Variants in GRXCR1 observed in about 807,000 individuals in gnomAD.
GRXCR1 encodes the protein glutaredoxin and cysteine rich domain containing 1, also known as glutaredoxin domain-containing cysteine-rich protein 1.
GRXCR1 carries 27 observed loss-of-function variants against 27.3 expected under a neutral mutation model. That is an observed-to-expected ratio of 0.99 (90% CI 0.73 to 1.37). The LOEUF is 1.37. GRXCR1 is among the 40% of genes most tolerant of loss of function. GRXCR1 has a pLI of 0.00. For synonymous variants in GRXCR1, 122 were observed against 131.1 expected (o/e 0.93, Z 0.47); for missense variants, 379 against 354.4 (o/e 1.07, Z -0.56).
At chr4:42,950,658 A>G (rs1202240144) in intron 1 of GRXCR1, among the ~76,000 whole-genome samples, 1 of 152,142 alleles carries the variant, frequency 6.6e-6, no homozygotes, top group Non-Finnish European at 1.5e-5. Flanking sequence ...ATGTTTGTGA[A>G]TATTTATAAT....
chr4:42,977,045 C>A (rs1462571593), intron 2 of GRXCR1, among the ~76,000 whole-genome samples: 2 of 152,000 alleles, frequency 1.3e-5, no homozygotes, highest in Admixed American at 1.3e-4. Flanking sequence ...TTAGATTCCA[C>A]ATATATCTGA....
At chr4:42,982,251 T>G (rs1000474529) in intron 2 of GRXCR1, among the ~76,000 whole-genome samples, 4 of 135,748 alleles carry the variant, frequency 2.9e-5, no homozygotes, top group African/African-American at 1.1e-4. Flanking sequence ...TTCCCTTTCC[T>G]GTGTCCATGT....
intron 2 of GRXCR1, among the ~76,000 whole-genome samples, chr4:42,972,664 T>C (rs1748417014): frequency 1.3e-5 from 2 of 152,194 alleles, no homozygotes; most frequent in African/African-American, 4.8e-5. Flanking sequence ...AATGGCACTG[T>C]TATCATCTTT....
At chr4:43,022,674 A>C (rs1713132795) in intron 3 of GRXCR1, among the ~76,000 whole-genome samples, 1 of 152,110 alleles carries the variant, frequency 6.6e-6, no homozygotes, top group Non-Finnish European at 1.5e-5. Context: ...AGGTAGCTGG[A>C]GTTTAAGAGG....
chr4:43,007,947 T>C (rs779024550), intron 2 of GRXCR1, among the ~76,000 whole-genome samples: 1 of 152,202 alleles, frequency 6.6e-6, no homozygotes, highest in Non-Finnish European at 1.5e-5. Flanking sequence ...ATTTTTACAA[T>C]GTTTCCAAGG....
At chr4:42,966,209 A>G (rs1332373316) in intron 2 of GRXCR1, among the ~76,000 whole-genome samples, 1 of 152,050 alleles carries the variant, frequency 6.6e-6, no homozygotes, top group African/African-American at 2.4e-5. Context: ...AAGTAGTTAC[A>G]ACATAAATTA....
At chr4:42,912,373 A>T (rs1746741550) in intron 1 of GRXCR1, among the ~76,000 whole-genome samples, 1 of 152,148 alleles carries the variant, frequency 6.6e-6, no homozygotes, top group African/African-American at 2.4e-5. Flanking sequence ...TTCATTTTTT[A>T]TATTGACACA....
chr4:43,014,131 C>G (rs538365604), intron 2 of GRXCR1, among the ~76,000 whole-genome samples: 1 of 151,638 alleles, frequency 6.6e-6, no homozygotes, highest in African/African-American at 2.4e-5. Flanking sequence ...AGAAAAACCA[C>G]GCTCTTTAGG....
At position 42,986,878 on chromosome 4, in the gene GRXCR1, TG is replaced by T. The variant is rs1323381504; in HGVS notation, c.627+23746del. Reference sequence around the variant, plus strand: ...ATCTTAAAATTAGTCCCCCTAAGCCTGGAAAGAAGAAGCCAAACAGTCACCG... The same window carrying T: ...ATCTTAAAATTAGTCCCCCTAAGCCTGAAAGAAGAAGCCAAACAGTCACCG... On this transcript the variant is annotated intron_variant, in intron 2 of 3. Coordinates refer to ENST00000399770, the MANE Select transcript of GRXCR1 (RefSeq NM_001080476.3). Among the ~76,000 whole-genome samples the T allele has an allele frequency of 3.3e-5, 5 of 152,068 alleles. No homozygotes were observed. In the East Asian group the frequency reaches 9.7e-4, roughly 30 times the overall value.
At chr4:42,942,362 T>G (rs577159421) in intron 1 of GRXCR1, among the ~76,000 whole-genome samples, 1 of 152,126 alleles carries the variant, frequency 6.6e-6, no homozygotes, top group East Asian at 1.9e-4. Context: ...ATCAAGGAAA[T>G]AAGGCACAGT....
intron 1 of GRXCR1, among the ~76,000 whole-genome samples, chr4:42,906,605 C>A (rs950975218): frequency 2.0e-5 from 3 of 152,104 alleles, no homozygotes; most frequent in Admixed American, 6.6e-5. Context: ...TCTCAGCAAG[C>A]CTTTCAGCAA....
intron 1 of GRXCR1, among the ~76,000 whole-genome samples, chr4:42,920,738 T>G (rs1034811209): frequency 3.3e-5 from 5 of 152,154 alleles, no homozygotes; most frequent in Non-Finnish European, 5.9e-5. Context: ...AAATAATTTT[T>G]GGAATATCAA....
At chr4:42,993,208 C>T (rs1024053408) in intron 2 of GRXCR1, among the ~76,000 whole-genome samples, 6 of 152,042 alleles carry the variant, frequency 3.9e-5, no homozygotes, top group African/African-American at 1.4e-4. Flanking sequence ...AAAGTGTATT[C>T]CTGGCCAGAT....
intron 2 of GRXCR1, among the ~76,000 whole-genome samples, chr4:43,001,508 G>A (rs1166010635): frequency 6.6e-6 from 1 of 152,144 alleles, no homozygotes; most frequent in Non-Finnish European, 1.5e-5. Flanking sequence ...CTAAATTTAT[G>A]TGGTGTTTTC....
intron 2 of GRXCR1, among the ~76,000 whole-genome samples, chr4:43,001,577 T>C (rs571169421): frequency 9.9e-5 from 15 of 152,014 alleles, no homozygotes; most frequent in African/African-American, 3.1e-4. Flanking sequence ...TGTATGTGTC[T>C]CATTGGAAGC....
chr4:43,017,282 T>A (rs1712959170), intron 2 of GRXCR1, among the ~76,000 whole-genome samples: 1 of 152,126 alleles, frequency 6.6e-6, no homozygotes, highest in Non-Finnish European at 1.5e-5. Flanking sequence ...GACTAGGAGT[T>A]CTCTGTACCA....
chr4:43,025,249 G>A (rs1318217431), intron 3 of GRXCR1, among the ~76,000 whole-genome samples: 3 of 152,084 alleles, frequency 2.0e-5, no homozygotes, highest in African/African-American at 7.2e-5. Flanking sequence ...TGCTTTAGTT[G>A]AGATGACTGC....
intron 2 of GRXCR1, among the ~76,000 whole-genome samples, chr4:42,988,858 A>G (rs1711866051): frequency 6.6e-6 from 1 of 152,206 alleles, no homozygotes; most frequent in Non-Finnish European, 1.5e-5. Context: ...ATCAGAGGAT[A>G]AGAAGATCAA....
intron 1 of GRXCR1, among the ~76,000 whole-genome samples, chr4:42,898,182 T>C (rs2109736246): frequency 6.6e-6 from 1 of 152,154 alleles, no homozygotes; most frequent in East Asian, 1.9e-4. Context: ...TGTTATTATA[T>C]AATCTGGCCT....
Sources: gnomAD v4.1 joint callset for allele counts (sites outside exome capture counted in the v4.1 genomes callset) on GRCh38, gnomAD v4.1.1 for gene constraint, MANE v1.5 for transcripts, NCBI Gene and HGNC (gene_info 2026-07-23, HGNC 2026-07-21) for gene names.